Variants in AGFG1 observed in about 807,000 individuals in gnomAD.
AGFG1 encodes ArfGAP with FG repeats 1, also known as arf-GAP domain and FG repeat-containing protein 1.
In AGFG1, 10 loss-of-function variants were observed where a neutral mutation model predicts 60.6. That is an observed-to-expected ratio of 0.16 (90% CI 0.10 to 0.28). AGFG1 has a LOEUF of 0.28. Among genes scored for constraint, AGFG1 ranks in the 10% least tolerant of loss-of-function variants. The pLI, the probability that AGFG1 is intolerant of heterozygous loss-of-function variation, is 1.00. For missense variants in AGFG1, 537 were observed against 676.5 expected (o/e 0.79, Z 2.29); for synonymous variants, 247 against 242.9 (o/e 1.02, Z -0.16).
In AGFG1 at chr2:227,495,957, T is replaced by TA. The variant is rs1015680022; in HGVS notation, c.261+4328dup. ...GTCTCTACTAAAAATATATATATAT[T>TA]AAAAAAAAAAATTAGCCAGGCATGG... On this transcript the variant is annotated intron_variant, in intron 2 of 12. Transcript: ENST00000310078. 4.4e-4 allele frequency among the ~76,000 whole-genome samples: 63 copies of TA among 144,398 alleles called. 3 individuals carry two copies. Among genetic ancestry groups the TA allele is most frequent in the East Asian group, 2.2e-3 (11 of 4,964 alleles). 94.7% of individuals were successfully genotyped at this position (144,398 alleles called of 152,430 possible).
Position 227,523,908 on chromosome 2 carries a change from A to C in AGFG1, c.523A>C (p.Lys175Gln), listed in dbSNP as rs1203888700. The change falls in exon 4 of 13, where the codon AAG becomes CAG. Residue 175 changes from lysine (K) to glutamine (Q), a missense_variant. This residue lies in a region of AGFG1 where 102 missense variants were observed against 82.9 expected (regional missense o/e 1.23). Coordinates refer to ENST00000310078, the MANE Select transcript of AGFG1 (RefSeq NM_004504.5). ...TTCTGCACCAACACTGCACTTAAAT[A>C]AGGGCACACCTAGTCAGGTGAGTAG... ...GDSAPTLHLN[K>Q]GTPSQSPVVG... 6.2e-7 allele frequency: 1 copy of C among 1,613,630 alleles called. No individual in the cohort carries two copies. The highest frequency in any genetic ancestry group is 2.2e-5 in the East Asian group (1 of 44,864).
chr2:227,521,949 G>A (rs1436413938), intron 3 of AGFG1, among the ~76,000 whole-genome samples: 1 of 152,068 alleles, frequency 6.6e-6, no homozygotes, highest in Non-Finnish European at 1.5e-5. Flanking sequence ...TCATTAAGAG[G>A]GCCAGGACCT....
intron 5 of AGFG1, among the ~76,000 whole-genome samples, chr2:227,525,525 A>G (rs866595772): frequency 1.3e-5 from 2 of 152,196 alleles, no homozygotes; most frequent in Admixed American, 1.3e-4. Flanking sequence ...CAGATTTTCA[A>G]CAAGGTCCAC....
chr2:227,525,066 A>G, intron 5 of AGFG1, 151 bp downstream of exon 5: 1 of 891,358 alleles, frequency 1.1e-6, no homozygotes, highest in Non-Finnish European at 1.7e-6. Flanking sequence ...GTAACCATAT[A>G]ATTGTGTTGC....
chr2:227,534,818 G>T, intron 7 of AGFG1, 27 bp from the exon 8 acceptor site: 1 of 1,603,006 alleles, frequency 6.2e-7, no homozygotes, highest in South Asian at 1.1e-5. Context: ...TAAATTTTTG[G>T]TGTAACTTGA....
At chr2:227,492,279 T>G (rs138908547) in intron 2 of AGFG1, among the ~76,000 whole-genome samples, 3 of 152,022 alleles carry the variant, frequency 2.0e-5, no homozygotes, top group Non-Finnish European at 4.4e-5. Flanking sequence ...TTTTCTAATA[T>G]TTTTAAAATT....
At chr2:227,480,041 T>C (rs1690408454) in intron 1 of AGFG1, among the ~76,000 whole-genome samples, 1 of 152,260 alleles carries the variant, frequency 6.6e-6, no homozygotes. Flanking sequence ...TACCTTACTT[T>C]TATTCTGGTT....
chr2:227,543,929 A>C (rs1015591608), intron 10 of AGFG1, among the ~76,000 whole-genome samples: 1 of 152,068 alleles, frequency 6.6e-6, no homozygotes, highest in Non-Finnish European at 1.5e-5. Flanking sequence ...CCATTATGTA[A>C]TGGTCTTCTT....
intron 1 of AGFG1, among the ~76,000 whole-genome samples, chr2:227,482,323 T>A (rs1389775396): frequency 6.6e-6 from 1 of 152,202 alleles, no homozygotes; most frequent in Non-Finnish European, 1.5e-5. Context: ...ATATCATGCT[T>A]ATTATTATAT....
chr2:227,475,738 T>G (rs1271160348), intron 1 of AGFG1, among the ~76,000 whole-genome samples: 1 of 152,180 alleles, frequency 6.6e-6, no homozygotes, highest in Non-Finnish European at 1.5e-5. Context: ...GTTTCTTTAT[T>G]TATGTTAAGA....
At chr2:227,477,392 G>A (rs1690317856) in intron 1 of AGFG1, among the ~76,000 whole-genome samples, 1 of 152,148 alleles carries the variant, frequency 6.6e-6, no homozygotes, top group African/African-American at 2.4e-5. Context: ...TATTATCCAA[G>A]CTCAACTTTA....
At chr2:227,513,105 TC>T (rs773033392) in intron 2 of AGFG1, among the ~76,000 whole-genome samples, 10 of 152,220 alleles carry the variant, frequency 6.6e-5, no homozygotes, top group Non-Finnish European at 1.2e-4. Flanking sequence ...CAATTTGCTG[TC>T]CCCCTCAAGG....
At chr2:227,548,088 A>G (rs114608496) in intron 10 of AGFG1, among the ~76,000 whole-genome samples, 2 of 152,354 alleles carry the variant, frequency 1.3e-5, no homozygotes, top group African/African-American at 2.4e-5. Flanking sequence ...CTCGTCACAA[A>G]AGGCCACATA....
intron 1 of AGFG1, among the ~76,000 whole-genome samples, chr2:227,474,614 T>C (rs140180489): frequency 1.8e-4 from 27 of 152,366 alleles, no homozygotes; most frequent in African/African-American, 3.4e-4. Context: ...TTAACTGTTC[T>C]ATGGAGCGTG....
chr2:227,533,735 A>G lies in AGFG1; in HGVS notation c.1001A>G (p.Asp334Gly), dbSNP rs1357479795. The G allele has an allele frequency of 1.2e-6, 2 of 1,613,584 alleles. No individual in the cohort carries two copies. Among genetic ancestry groups the G allele is most frequent in the Non-Finnish European group, 1.7e-6 (2 of 1,179,740 alleles). ...AAATATGCAGCACTTGCTAATTTAG[A>G]CAATATCTTCAGTGCCGGGCAAGGT... ...ADKYAALANL[D>G]NIFSAGQGGD... is the part of the protein sequence containing the mutation. Residue 334 changes from aspartate (D) to glycine (G), a missense_variant, in exon 7 of 13, where the codon GAC becomes GGC. By Grantham distance (94) the Asp-to-Gly change is moderately conservative. Around this residue, in one of 4 missense-constraint regions of AGFG1, gnomAD observed 287 missense variants for 343.6 expected, o/e 0.84. Transcript: ENST00000310078.
At chr2:227,538,541 ATGT>A (rs1053626386) in intron 10 of AGFG1, among the ~76,000 whole-genome samples, 2 of 152,236 alleles carry the variant, frequency 1.3e-5, no homozygotes, top group Admixed American at 1.3e-4. Context: ...GAGCCTAATC[ATGT>A]TGACCTGACT....
intron 8 of AGFG1, among the ~76,000 whole-genome samples, chr2:227,536,377 A>G (rs13388371): frequency 0.047 from 7,090 of 152,170 alleles, 217 homozygotes; most frequent in African/African-American, 0.092. Flanking sequence ...AGTCGTTACA[A>G]TAGTCATATT....
At chr2:227,485,267 C>CA (rs1277557649) in intron 1 of AGFG1, among the ~76,000 whole-genome samples, 1 of 127,668 alleles carries the variant, frequency 7.8e-6, no homozygotes. Context: ...TTTTTTGAGA[C>CA]AGAGTCTCGC....
At chr2:227,507,701 A>G (rs1575082979) in intron 2 of AGFG1, among the ~76,000 whole-genome samples, 1 of 152,050 alleles carries the variant, frequency 6.6e-6, no homozygotes, top group African/African-American at 2.4e-5. Flanking sequence ...TTAAGATGCA[A>G]TAGTTTTATT....
Sources: allele counts gnomAD v4.1 joint callset (sites outside exome capture counted in the v4.1 genomes callset), GRCh38; gene constraint gnomAD v4.1.1; regional missense constraint gnomAD v4.1.1; transcripts MANE v1.5; gene names NCBI Gene and HGNC (gene_info 2026-07-23, HGNC 2026-07-21).